Variants in GXYLT1 observed in about 807,000 individuals in gnomAD.
GXYLT1 encodes the protein glycosyltransferase 8 domain containing 3.
GXYLT1 carries 29 observed loss-of-function variants against 54.0 expected under a neutral mutation model. That is an observed-to-expected ratio of 0.54 (90% CI 0.40 to 0.73). The LOEUF (loss-of-function observed/expected upper bound fraction) is 0.73, where lower values mean the gene tolerates loss of function less well. Among genes scored for constraint, GXYLT1 ranks in the 30% least tolerant of loss-of-function variants. GXYLT1 has a pLI of 0.00. For missense variants in GXYLT1, 490 were observed against 553.4 expected, an observed-to-expected ratio of 0.89 and a Z score of 1.15; for synonymous variants, 176 against 204.1, an observed-to-expected ratio of 0.86 and a Z score of 1.17.
At chr12:42,124,816 A>T (rs1206105314) in intron 2 of GXYLT1, among the ~76,000 whole-genome samples, 1 of 152,240 alleles carries the variant, frequency 6.6e-6, no homozygotes, top group East Asian at 1.9e-4. Flanking sequence ...TTTTTAAAAG[A>T]ATAAGAAAGC....
Position 42,144,718 on chromosome 12 carries a change from A to C in GXYLT1, c.-72T>G. 8.4e-7 allele frequency: 1 copy of C among 1,188,132 alleles called. No homozygotes were observed. Among genetic ancestry groups the C allele is most frequent in the East Asian group, 3.4e-5 (1 of 29,830 alleles). The allele number at this position is 1,188,132 out of a possible 1,614,324, so 73.6% of individuals were successfully genotyped here. A position where few individuals can be genotyped will look rare whatever the true frequency, so the allele number is the denominator to read the frequency against. Reference sequence around the variant, plus strand: ...GACGAACTGGAGCGGAGGGAGGGGCACCGCGCAGCCGCGGGCGCAACAAGT... The same window carrying C: ...GACGAACTGGAGCGGAGGGAGGGGCCCCGCGCAGCCGCGGGCGCAACAAGT... On this transcript the variant is annotated 5_prime_UTR_variant, in exon 1 of 8. Transcript: ENST00000398675.
chr12:42,102,691 T>TC (rs1451776093), intron 5 of GXYLT1, among the ~76,000 whole-genome samples: 2 of 152,136 alleles, frequency 1.3e-5, no homozygotes, highest in Admixed American at 6.5e-5. Flanking sequence ...CTTTGGTTTT[T>TC]CTCTAATAAA....
intron 3 of GXYLT1, among the ~76,000 whole-genome samples, chr12:42,112,446 A>G (rs760717845): frequency 7.2e-5 from 11 of 152,216 alleles, no homozygotes; most frequent in Non-Finnish European, 1.5e-4. Context: ...GAAGTCCTTA[A>G]AGGACCTGAT....
At chr12:42,109,095 A>T (rs1483173136) in intron 4 of GXYLT1, among the ~76,000 whole-genome samples, 2 of 152,230 alleles carry the variant, frequency 1.3e-5, no homozygotes, top group Non-Finnish European at 2.9e-5. Flanking sequence ...ATATGCCTTA[A>T]ATTTGTTTCT....
At position 42,082,392 on chromosome 12, in the gene GXYLT1, A is replaced by C. The variant is rs151293374; in HGVS notation, c.*5394T>G. Reference sequence around the variant, plus strand: ...TACAGCAATGCTCAAGCCCTGGATTATTTTTGCCTGACAAAAATAATATTC... The same window carrying C: ...TACAGCAATGCTCAAGCCCTGGATTCTTTTTGCCTGACAAAAATAATATTC... On this transcript the variant is annotated 3_prime_UTR_variant, in exon 8 of 8. Transcript: ENST00000398675. 9.8e-5 allele frequency: 15 copies of C among 152,324 alleles called. No homozygotes were observed. Among genetic ancestry groups the C allele is most frequent in the Middle Eastern group, 3.4e-3 (1 of 294 alleles). The allele number at this position is 152,324 out of a possible 1,614,324, so 9.4% of individuals were successfully genotyped here. A position where few individuals can be genotyped will look rare whatever the true frequency, so the allele number is the denominator to read the frequency against.
rs569345374 is a variant in GXYLT1 at position 42,144,668 on chromosome 12, T to TCGCCGC, written c.-28_-23dup. 9.5e-5 allele frequency: 131 copies of TCGCCGC among 1,380,390 alleles called. No individual in the cohort carries two copies. Among genetic ancestry groups the TCGCCGC allele is most frequent in the Admixed American group, 1.6e-4 (6 of 36,956 alleles). 85.5% of individuals were successfully genotyped at this position (1,380,390 alleles called of 1,614,324 possible). On this transcript the variant is annotated 5_prime_UTR_variant, in exon 1 of 8. Coordinates refer to ENST00000398675, the MANE Select transcript of GXYLT1 (RefSeq NM_173601.2). ...GCATCGCCCCGGCCGCGCTCCTCCT[T>TCGCCGC]CGCCGCCGCCGCCGCGCCCGCCCCG...
intron 5 of GXYLT1, among the ~76,000 whole-genome samples, chr12:42,103,431 GTATAAAACAGT>G (rs1470085909): frequency 1.3e-5 from 2 of 152,144 alleles, no homozygotes; most frequent in Non-Finnish European, 2.9e-5. Flanking sequence ...TCGTGGATCT[GTATAAAACAGT>G]TTGGAAAGTG....
intron 5 of GXYLT1, among the ~76,000 whole-genome samples, chr12:42,103,723 G>A (rs539342940): frequency 3.9e-5 from 6 of 152,168 alleles, no homozygotes; most frequent in Middle Eastern, 3.4e-3. Context: ...AGGAATAGTA[G>A]GTGTGAAGTA....
At position 42,109,545 on chromosome 12, in the gene GXYLT1, AC is replaced by A; in HGVS notation, c.612+20del. 1 of 1,433,428 alleles carries A rather than the reference AC, an allele frequency of 7.0e-7. No homozygotes were observed. Among genetic ancestry groups the A allele is most frequent in the Non-Finnish European group, 9.1e-7 (1 of 1,093,600 alleles). 88.8% of individuals were successfully genotyped at this position (1,433,428 alleles called of 1,614,324 possible). Reference sequence around the variant, plus strand: ...ATTTAAAAAAAAAAAAAAAAAAAAGACACTAGGGGAAAAAACTTACCGGCAA... The same window carrying A: ...ATTTAAAAAAAAAAAAAAAAAAAAGAACTAGGGGAAAAAACTTACCGGCAA... On this transcript the variant is annotated intron_variant, in intron 4 of 7. Transcript: ENST00000398675.
chr12:42,089,221 T>G (rs1428944129), intron 7 of GXYLT1, among the ~76,000 whole-genome samples: 2 of 151,518 alleles, frequency 1.3e-5, no homozygotes, highest in Non-Finnish European at 2.9e-5. Context: ...GCTACCTACA[T>G]GCCAGGCACC....
At chr12:42,102,910 AT>A (rs1592106526) in intron 5 of GXYLT1, among the ~76,000 whole-genome samples, 3 of 151,864 alleles carry the variant, frequency 2.0e-5, no homozygotes, top group Non-Finnish European at 4.4e-5. Context: ...TAATTTAATA[AT>A]TATTTCATTA....
intron 7 of GXYLT1, among the ~76,000 whole-genome samples, chr12:42,096,775 A>G (rs915394482): frequency 1.3e-5 from 2 of 152,176 alleles, no homozygotes; most frequent in African/African-American, 2.4e-5. Flanking sequence ...AAGAGGAAAA[A>G]TAACTACACT....
At chr12:42,111,051 T>C (rs950872104) in intron 3 of GXYLT1, among the ~76,000 whole-genome samples, 6 of 152,252 alleles carry the variant, frequency 3.9e-5, no homozygotes, top group African/African-American at 1.4e-4. Context: ...TTTTCTATTA[T>C]ATTTTCAAAG....
intron 3 of GXYLT1, among the ~76,000 whole-genome samples, chr12:42,114,165 C>A (rs1257115097): frequency 6.6e-6 from 1 of 152,096 alleles, no homozygotes; most frequent in Non-Finnish European, 1.5e-5. Context: ...TAAATGCCCA[C>A]AAGAGAAAGC....
At chr12:42,122,173 A>G (rs2136908578) in intron 2 of GXYLT1, among the ~76,000 whole-genome samples, 1 of 152,344 alleles carries the variant, frequency 6.6e-6, no homozygotes, top group South Asian at 2.1e-4. Flanking sequence ...TTCTACAGAT[A>G]TACAATTAGA....
intron 7 of GXYLT1, among the ~76,000 whole-genome samples, chr12:42,094,584 AG>A (rs2136876790): frequency 6.6e-6 from 1 of 151,694 alleles, no homozygotes; most frequent in South Asian, 2.1e-4. Flanking sequence ...GCTTGAGTCC[AG>A]GGGGCAGGGG....
At position 42,144,811 on chromosome 12, in the gene GXYLT1, G is replaced by C; in HGVS notation, c.-165C>G. ...TCCTTCCCTCCCCGCCCACCACCTA[G>C]GCGAGCGCAGTCGCGGCTCCGGAGC... On this transcript the variant is annotated 5_prime_UTR_variant, in exon 1 of 8. Coordinates refer to ENST00000398675, the MANE Select transcript of GXYLT1 (RefSeq NM_173601.2). 2.4e-6 allele frequency: 1 copy of C among 424,000 alleles called. No homozygotes were observed. The highest frequency in any genetic ancestry group is 6.2e-5 in the South Asian group (1 of 16,088). 26.3% of individuals were successfully genotyped at this position (424,000 alleles called of 1,614,324 possible).
Position 42,097,437 on chromosome 12 carries a change from C to A in GXYLT1, c.1161+5G>T. On this transcript the variant is annotated splice_donor_5th_base_variant and intron_variant, in intron 7 of 7. Coordinates refer to ENST00000398675, the MANE Select transcript of GXYLT1 (RefSeq NM_173601.2). Reference sequence around the variant, plus strand: ...AAGTTAAAAAAAAGGAAAGGCAAATCTTACATTTCTCAGTGCTTCATAAAC... The same window carrying A: ...AAGTTAAAAAAAAGGAAAGGCAAATATTACATTTCTCAGTGCTTCATAAAC... 6.5e-7 allele frequency: 1 copy of A among 1,544,284 alleles called. No homozygotes were observed. The highest frequency in any genetic ancestry group is 8.7e-7 in the Non-Finnish European group (1 of 1,155,982).
intron 5 of GXYLT1, among the ~76,000 whole-genome samples, chr12:42,099,869 G>A (rs142336152): frequency 1.6e-4 from 24 of 152,098 alleles, no homozygotes; most frequent in Admixed American, 1.1e-3. Flanking sequence ...AAAAGTTATG[G>A]TAATATTAAT....
Sources: gnomAD v4.1 joint callset for allele counts (sites outside exome capture counted in the v4.1 genomes callset) on GRCh38, gnomAD v4.1.1 for gene constraint, MANE v1.5 for transcripts, NCBI Gene and HGNC (gene_info 2026-07-23, HGNC 2026-07-21) for gene names.